MGAM: variants seen among roughly 807,000 people sequenced by gnomAD.
MGAM encodes the protein maltase-glucoamylase.
A neutral mutation model predicts 358.8 loss-of-function variants in MGAM; 253 were observed. The ratio of observed to expected loss-of-function variants is 0.71; its 90% CI spans 0.64 to 0.78. MGAM has a LOEUF of 0.78. Among genes scored for constraint, MGAM ranks in the 30% least tolerant of loss-of-function variants. The pLI is 0.00. For synonymous variants in MGAM, 1,105 were observed against 1,227.1 expected, an observed-to-expected ratio of 0.90 and a Z score of 2.08; for missense variants, 3,080 against 3,432.6, an observed-to-expected ratio of 0.90 and a Z score of 2.57.
At chr7:142,006,771 T>A (rs1179076094) in intron 2 of MGAM, among the ~76,000 whole-genome samples, 1 of 152,162 alleles carries the variant, frequency 6.6e-6, no homozygotes, top group Non-Finnish European at 1.5e-5. Flanking sequence ...ACTTTCATTT[T>A]TCAGTCAGAA....
intron 21 of MGAM, among the ~76,000 whole-genome samples, chr7:142,045,052 AATATGTATATTATATAT>A (rs1809878222): frequency 1.1e-5 from 1 of 93,812 alleles, no homozygotes; most frequent in African/African-American, 4.2e-5. Context: ...TATGATATAT[AATATGTATATTATATAT>A]ACGTGTAATA....
Position 142,052,400 on chromosome 7 carries a change from A to G in MGAM, c.2912A>G (p.Asn971Ser). ...AAAATAGACTGTTACCCTGATGAGA[A>G]TGGTGCTTCTGCCGAAAACTGCACT... ...EEKIDCYPDE[N>S]GASAENCTAR... is the part of the protein sequence containing the mutation. Residue 971 changes from asparagine to serine, a missense_variant, in exon 25 of 71, where the codon AAT becomes AGT. Physicochemically the swap from Asn to Ser is conservative, Grantham distance 46. This residue lies in a region of MGAM where 1,816 missense variants were observed against 1,840.5 expected (regional missense o/e 0.99). Coordinates refer to ENST00000475668, the MANE Select transcript of MGAM (RefSeq NM_001365693.1). 4 of 1,613,430 alleles carry G rather than the reference A, an allele frequency of 2.5e-6. No homozygotes were observed. The highest frequency in any genetic ancestry group is 3.4e-6 in the Non-Finnish European group (4 of 1,179,668).
intron 30 of MGAM, 133 bp from the exon 31 acceptor site, chr7:142,058,070 T>C: frequency 7.2e-7 from 1 of 1,398,470 alleles, no homozygotes; most frequent in African/African-American, 1.4e-5. Context: ...CTCTATATCC[T>C]GTCAGTTTTG....
Position 142,105,993 on chromosome 7 carries a change from T to A in MGAM, c.*102T>A. On this transcript the variant is annotated 3_prime_UTR_variant, in exon 71 of 71. Coordinates refer to ENST00000475668, the MANE Select transcript of MGAM (RefSeq NM_001365693.1). ...GTGTTGCTAATTTGTTCATACCCAC[T>A]ATTGGTGAAATATTTCTGTTAATTT... is the stretch of plus-strand genomic sequence containing the variant. The A allele has an allele frequency of 1.1e-6, 1 of 892,294 alleles. No individual in the cohort carries two copies. Among genetic ancestry groups the A allele is most frequent in the Non-Finnish European group, 1.8e-6 (1 of 553,774 alleles). The allele number at this position is 892,294 out of a possible 1,614,324, so 55.3% of individuals were successfully genotyped here.
chr7:142,021,204 A>T, intron 5 of MGAM, 121 bp downstream of exon 5: 1 of 656,878 alleles, frequency 1.5e-6, no homozygotes, highest in Non-Finnish European at 2.6e-6. Flanking sequence ...TATTGCTATT[A>T]TTAATTAGCA....
intron 3 of MGAM, among the ~76,000 whole-genome samples, chr7:142,016,675 C>T (rs1323940524): frequency 9.2e-5 from 14 of 152,350 alleles, no homozygotes; most frequent in African/African-American, 3.1e-4. Flanking sequence ...TCGCTGCAAC[C>T]TCTGCCTCCT....
At position 142,095,720 on chromosome 7, in the gene MGAM, G is replaced by A. The variant is rs1460130840; in HGVS notation, c.7607+7G>A. ...TGCGGCCTCTGCTCCATGAGTGAGT[G>A]TCCAGCAGGGATCCCAATGCCTAAT... On this transcript the variant is annotated splice_region_variant and intron_variant, in intron 64 of 70. Transcript: ENST00000475668. 6 of 1,612,596 alleles carry A rather than the reference G, an allele frequency of 3.7e-6. No individual in the cohort carries two copies. The highest frequency in any genetic ancestry group is 5.1e-6 in the Non-Finnish European group (6 of 1,179,448).
At chr7:142,000,948 T>G (rs1162918039) in intron 1 of MGAM, among the ~76,000 whole-genome samples, 1 of 152,206 alleles carries the variant, frequency 6.6e-6, no homozygotes, top group East Asian at 1.9e-4. Context: ...AAAAGCAATC[T>G]CACATCTTAC....
At chr7:141,999,875 G>C (rs2128976805) in intron 1 of MGAM, among the ~76,000 whole-genome samples, 1 of 152,098 alleles carries the variant, frequency 6.6e-6, no homozygotes, top group South Asian at 2.1e-4. Context: ...CTATAATGCA[G>C]GAAGTAAGGT....
chr7:142,103,025 A>AT (rs1391167410), intron 69 of MGAM, among the ~76,000 whole-genome samples: 2 of 152,142 alleles, frequency 1.3e-5, no homozygotes, highest in African/African-American at 2.4e-5. Flanking sequence ...AACAGCTGAG[A>AT]CTTTTTGTCT....
chr7:142,093,271 T>A lies in MGAM; in HGVS notation c.7034-141T>A. The stretch of plus-strand genomic sequence containing the variant: ...TTGCAGCTCAGAGCTGGGGGCGCTG[T>A]GCTCATGTCTCTGGGAAGACGGAGA... On this transcript the variant is annotated intron_variant, in intron 59 of 70. Transcript: ENST00000475668. The A allele has an allele frequency of 4.4e-6, 5 of 1,143,878 alleles. 2 individuals are homozygous for A. The highest frequency in any genetic ancestry group is 6.2e-6 in the Non-Finnish European group (5 of 802,964). 70.9% of individuals were successfully genotyped at this position (1,143,878 alleles called of 1,614,324 possible).
rs1806531995 is a variant in MGAM at position 142,022,255 on chromosome 7, C to T, written c.711-13C>T. The T allele has an allele frequency of 1.3e-6, 2 of 1,593,572 alleles. No homozygotes were observed. The highest frequency in any genetic ancestry group is 1.3e-5 in the African/African-American group (1 of 74,318). On this transcript the variant is annotated splice_polypyrimidine_tract_variant and intron_variant, in intron 6 of 70. Coordinates refer to ENST00000475668, the MANE Select transcript of MGAM (RefSeq NM_001365693.1). ...CTTGCTCACCCATCCTTGTGTTCTC[C>T]ACCTGTGTCTAGGTTTGACTCGAGC...
At chr7:142,088,996 G>GTATCTATC (rs71166560) in intron 57 of MGAM, among the ~76,000 whole-genome samples, 20,540 of 117,726 alleles carry the variant, frequency 0.17, 3,301 homozygotes, top group South Asian at 0.19. Flanking sequence ...ATGTATGTAT[G>GTATCTATC]TATCTATCTA....
At chr7:142,067,941 T>TATATATATATATATATATATAA (rs1812916796) in intron 42 of MGAM, among the ~76,000 whole-genome samples, 5 of 37,468 alleles carry the variant, frequency 1.3e-4, no homozygotes, top group Admixed American at 8.9e-4. Context: ...CTCAAATATA[T>TATATATATATATATATATATAA]ATATATATAT....
In MGAM at chr7:142,065,643, C is replaced by T. The variant is rs746125983; in HGVS notation, c.4653+21C>T. On this transcript the variant is annotated intron_variant, in intron 39 of 70. Coordinates refer to ENST00000475668, the MANE Select transcript of MGAM (RefSeq NM_001365693.1). The stretch of plus-strand genomic sequence containing the variant: ...CCTATGTGAGTGTCCTTGGGATCCT[C>T]CTAAGCACCAAGAAGGTGGGGACAT... The T allele has an allele frequency of 3.1e-5, 50 of 1,612,982 alleles. No homozygotes were observed. In the African/African-American group the frequency reaches 4.5e-4, roughly 15 times the overall value.
Position 142,050,881 on chromosome 7 carries a change from T to C in MGAM, c.2805+17T>C, listed in dbSNP as rs751622682. ...AACCTGAAGGTAAAAACCCATTTTG[T>C]TGAGATGGTACATTGAGAATTCTCC... On this transcript the variant is annotated intron_variant, in intron 24 of 70. Transcript: ENST00000475668. 6.2e-7 allele frequency: 1 copy of C among 1,613,462 alleles called. No individual in the cohort carries two copies. Among genetic ancestry groups the C allele is most frequent in the African/African-American group, 1.3e-5 (1 of 75,020 alleles).
At chr7:142,054,957 G>A (rs189054246) in intron 27 of MGAM, 49 bp downstream of exon 27, 311 of 1,586,150 alleles carry the variant, frequency 2.0e-4, no homozygotes, top group Non-Finnish European at 2.3e-4. Context: ...CTGCGCCTTC[G>A]CTGCCAGGTC....
chr7:142,103,565 C>T (rs766808924), intron 70 of MGAM, 126 bp downstream of exon 70: 35 of 959,200 alleles, frequency 3.6e-5, no homozygotes, highest in Non-Finnish European at 4.7e-5. Flanking sequence ...CTGAGTTTTC[C>T]ATGTGTTAGG....
chr7:142,044,712 A>T (rs1809796252), intron 21 of MGAM, among the ~76,000 whole-genome samples: 1 of 92,830 alleles, frequency 1.1e-5, no homozygotes, highest in African/African-American at 4.0e-5. Flanking sequence ...ATACACGTGT[A>T]ATATATGATG....
Sources: allele counts gnomAD v4.1 joint callset (sites outside exome capture counted in the v4.1 genomes callset), GRCh38; gene constraint gnomAD v4.1.1; regional missense constraint gnomAD v4.1.1; transcripts MANE v1.5; gene names NCBI Gene and HGNC (gene_info 2026-07-23, HGNC 2026-07-21).